PDHA1: variants seen among roughly 807,000 people sequenced by gnomAD.
The protein encoded by PDHA1 is pyruvate dehydrogenase E1 component subunit alpha, somatic form, mitochondrial.
PDHA1 carries 1 observed loss-of-function variant against 33.0 expected under a neutral mutation model. The observed-to-expected ratio is 0.03, with a 90% CI of 0.01 to 0.14. The LOEUF (loss-of-function observed/expected upper bound fraction) is 0.14. Ranked by LOEUF, PDHA1 falls within the 10% of genes least tolerant of loss-of-function variation. The pLI, the probability that PDHA1 is intolerant of heterozygous loss-of-function variation, is 1.00. For missense variants in PDHA1, 168 were observed against 325.1 expected, an observed-to-expected ratio of 0.52 and a Z score of 3.72; for synonymous variants, 123 against 119.2, an observed-to-expected ratio of 1.03 and a Z score of -0.21.
intron 5 of PDHA1, 121 bp from the exon 6 acceptor site, chrX:19,354,370 G>C: frequency 1.8e-6 from 1 of 546,523 alleles, no homozygotes; most frequent in South Asian, 2.4e-5. Context: ...TGGAAGGAGA[G>C]TTTGTAGCAG....
rs1269552788 is a variant in PDHA1 at position 19,359,016 on chromosome X, G to A, written c.1000G>A (p.Glu334Lys). The change falls in exon 10 of 11, where the codon GAA becomes AAA. Residue 334 changes from glutamate to lysine, a missense_variant. Coordinates refer to ENST00000422285, the MANE Select transcript of PDHA1 (RefSeq NM_000284.4). The stretch of plus-strand genomic sequence containing the variant: ...GAACAGCAATCTTGCCAGTGTGGAA[G>A]AACTAAAGGTACAGTCACTTGTTCA... ...MVNSNLASVEELKEIDVEVRK... is the reference protein window; with the variant it reads ...MVNSNLASVEKLKEIDVEVRK... The A allele has an allele frequency of 1.7e-6, 2 of 1,143,910 alleles. No homozygotes were observed. Among genetic ancestry groups the A allele is most frequent in the Admixed American group, 4.4e-5 (2 of 45,925 alleles). The allele number at this position is 1,143,910 out of a possible 1,213,427, so 94.3% of individuals were successfully genotyped here.
Position 19,357,726 on chromosome X carries a change from T to C in PDHA1, c.899+7T>C. The C allele has an allele frequency of 1.7e-6, 2 of 1,188,419 alleles. No individual in the cohort carries two copies. Among genetic ancestry groups the C allele is most frequent in the Non-Finnish European group, 2.3e-6 (2 of 874,096 alleles). ...TGAGTGACCCTGGAGTCAGGTACGCTCATGGGCAGTGTGGTTTCCATAGGG... is the reference window on the plus strand; with the variant it reads ...TGAGTGACCCTGGAGTCAGGTACGCCCATGGGCAGTGTGGTTTCCATAGGG... On this transcript the variant is annotated splice_region_variant and intron_variant, in intron 9 of 10. Coordinates refer to ENST00000422285, the MANE Select transcript of PDHA1 (RefSeq NM_000284.4).
chrX:19,359,861 G>GACTT lies in PDHA1; in HGVS notation c.*210_*213dup. 1.1e-5 allele frequency: 5 copies of GACTT among 457,291 alleles called. No homozygotes were observed. The South Asian group carries it at 1.6e-4, about 14-fold the overall frequency. The allele number at this position is 457,291 out of a possible 1,213,427, so 37.7% of individuals were successfully genotyped here. A position where few individuals can be genotyped will look rare whatever the true frequency, so the allele number is the denominator to read the frequency against. On this transcript the variant is annotated 3_prime_UTR_variant, in exon 11 of 11. Coordinates refer to ENST00000422285, the MANE Select transcript of PDHA1 (RefSeq NM_000284.4). ...TATTGAGTGCTTAAAGATTATTTTTGACTTAAAATAGTATACTTTGAACAA... is the reference window on the plus strand; with the variant it reads ...TATTGAGTGCTTAAAGATTATTTTTGACTTACTTAAAATAGTATACTTTGAACAA...
intron 1 of PDHA1, among the ~76,000 whole-genome samples, chrX:19,345,460 C>T (rs1357473450): frequency 1.9e-5 from 2 of 106,732 alleles, no homozygotes; most frequent in Non-Finnish European, 3.8e-5. Flanking sequence ...ATCCCAGCTA[C>T]TCGGGAGGCT....
chrX:19,353,240 A>G (rs750976876), intron 5 of PDHA1, 67 bp downstream of exon 5: 1 of 839,982 alleles, frequency 1.2e-6, no homozygotes, highest in Non-Finnish European at 1.8e-6. Flanking sequence ...AAAAACTTTC[A>G]CAGCCCCAGA....
At position 19,355,671 on chromosome X, in the gene PDHA1, C is replaced by G; in HGVS notation, c.760-15C>G. The G allele has an allele frequency of 8.4e-7, 1 of 1,195,591 alleles. No individual in the cohort carries two copies. Among genetic ancestry groups the G allele is most frequent in the Non-Finnish European group, 1.1e-6 (1 of 881,489 alleles). Reference sequence around the variant, plus strand: ...AGTTGGATTCATGCTTCGCCCCTCCCCTGTTTATTACCAGGTGGATGGAAT... The same window carrying G: ...AGTTGGATTCATGCTTCGCCCCTCCGCTGTTTATTACCAGGTGGATGGAAT... On this transcript the variant is annotated splice_polypyrimidine_tract_variant and intron_variant, in intron 7 of 10. Transcript: ENST00000422285.
At chrX:19,347,641 C>T (rs370679115) in intron 1 of PDHA1, among the ~76,000 whole-genome samples, 4 of 112,842 alleles carry the variant, frequency 3.5e-5, no homozygotes, top group African/African-American at 9.6e-5. Flanking sequence ...CTTCCAAAAA[C>T]TGCAGTTTCT....
intron 1 of PDHA1, among the ~76,000 whole-genome samples, chrX:19,345,108 G>C (rs1364544813): frequency 9.1e-6 from 1 of 109,832 alleles, no homozygotes; most frequent in Non-Finnish European, 1.9e-5. Flanking sequence ...CCTAACACCT[G>C]AGCTAGCATT....
At position 19,360,708 on chromosome X, in the gene PDHA1, T is replaced by G. The variant is rs762963142; in HGVS notation, c.*1055T>G. On this transcript the variant is annotated 3_prime_UTR_variant, in exon 11 of 11. Coordinates refer to ENST00000422285, the MANE Select transcript of PDHA1 (RefSeq NM_000284.4). ...CTAACAGAAGCTTTAACAAAACATGTAGCGTGGTGGGACACTCTGCCACAG... is the reference window on the plus strand; with the variant it reads ...CTAACAGAAGCTTTAACAAAACATGGAGCGTGGTGGGACACTCTGCCACAG... 1 of 1,027,609 alleles carries G rather than the reference T, an allele frequency of 9.7e-7. No homozygotes were observed. Among genetic ancestry groups the G allele is most frequent in the Non-Finnish European group, 1.4e-6 (1 of 734,457 alleles). 84.7% of individuals were successfully genotyped at this position (1,027,609 alleles called of 1,213,427 possible).
intron 9 of PDHA1, 119 bp downstream of exon 9, chrX:19,357,838 A>G (rs1484629416): frequency 1.7e-6 from 1 of 575,229 alleles, no homozygotes; most frequent in Non-Finnish European, 3.0e-6. Context: ...TCATGTACGC[A>G]GTTGTGTTGG....
At chrX:19,351,736 G>C (rs2063163766) in intron 4 of PDHA1, among the ~76,000 whole-genome samples, 1 of 108,350 alleles carries the variant, frequency 9.2e-6, no homozygotes, top group African/African-American at 3.4e-5. Context: ...GTAAATTCTA[G>C]AAATCTTCTT....
chrX:19,357,373 G>T, intron 8 of PDHA1: 1 of 353,458 alleles, frequency 2.8e-6, no homozygotes, highest in East Asian at 5.5e-5. Context: ...TGGGATTACA[G>T]GCATGAGCCA....
intron 5 of PDHA1, 151 bp downstream of exon 5, chrX:19,353,324 A>T: frequency 1.9e-6 from 1 of 521,585 alleles, no homozygotes; most frequent in East Asian, 3.6e-5. Flanking sequence ...ATGATGTTGG[A>T]CCCATAAGAT....
intron 10 of PDHA1, 142 bp from the exon 11 acceptor site, chrX:19,359,347 G>T: frequency 1.8e-6 from 1 of 541,261 alleles, no homozygotes; most frequent in South Asian, 2.7e-5. Flanking sequence ...CTAGAAATCT[G>T]TATTCCAAAA....
Position 19,361,607 on chromosome X carries a change from C to T in PDHA1, c.*1954C>T, listed in dbSNP as rs1379356189. ...TCTCTGTAATACCTGTAACGATTGG[C>T]AATTTGTTATATATTAGTCTAACCA... On this transcript the variant is annotated 3_prime_UTR_variant, in exon 11 of 11. Transcript: ENST00000422285. The T allele has an allele frequency of 8.9e-7, 1 of 1,118,464 alleles. No homozygotes were observed. Among genetic ancestry groups the T allele is most frequent in the East Asian group, 3.0e-5 (1 of 33,434 alleles). 92.2% of individuals were successfully genotyped at this position (1,118,464 alleles called of 1,213,427 possible).
At chrX:19,350,358 T>C (rs756692152) in intron 3 of PDHA1, among the ~76,000 whole-genome samples, 2 of 111,948 alleles carry the variant, frequency 1.8e-5, no homozygotes, top group African/African-American at 6.5e-5. Flanking sequence ...CTCTGTCCAC[T>C]GGGCTCAAGC....
In PDHA1 at chrX:19,360,385, C is replaced by A. The variant is rs1266121114; in HGVS notation, c.*732C>A. ...GTACTTTTTTTGAGACAGGGTCGGG[C>A]TCTGTTGCCCAGGCTGGAGTGCAGT... is the stretch of plus-strand genomic sequence containing the variant. On this transcript the variant is annotated 3_prime_UTR_variant, in exon 11 of 11. Transcript: ENST00000422285. 1.2e-5 allele frequency: 2 copies of A among 162,614 alleles called. No homozygotes were observed. Among genetic ancestry groups the A allele is most frequent in the Non-Finnish European group, 2.3e-5 (2 of 87,463 alleles). The allele number at this position is 162,614 out of a possible 1,213,427, so 13.4% of individuals were successfully genotyped here. A position where few individuals can be genotyped will look rare whatever the true frequency, so the allele number is the denominator to read the frequency against.
intron 10 of PDHA1, 55 bp from the exon 11 acceptor site, chrX:19,359,434 G>A: frequency 9.8e-7 from 1 of 1,019,502 alleles, no homozygotes; most frequent in Non-Finnish European, 1.4e-6. Flanking sequence ...AACTCTAGTT[G>A]GTACCTAAGC....
intron 1 of PDHA1, among the ~76,000 whole-genome samples, chrX:19,346,925 C>T (rs1483967926): frequency 9.0e-6 from 1 of 111,578 alleles, no homozygotes; most frequent in Admixed American, 9.5e-5. Context: ...TCCTCTTTCA[C>T]ATGAATGGTT....
Sources: allele counts gnomAD v4.1 joint callset (sites outside exome capture counted in the v4.1 genomes callset), GRCh38; gene constraint gnomAD v4.1.1; transcripts MANE v1.5; gene names NCBI Gene and HGNC (gene_info 2026-07-23, HGNC 2026-07-21).